Variants in NDUFAF2 observed in about 807,000 individuals in gnomAD.
NDUFAF2 encodes NADH dehydrogenase [ubiquinone] 1 alpha subcomplex assembly factor 2.
A neutral mutation model predicts 22.8 loss-of-function variants in NDUFAF2; 13 were observed. That is an observed-to-expected ratio of 0.57 (90% CI 0.37 to 0.91). The LOEUF (loss-of-function observed/expected upper bound fraction) is 0.91, where lower values mean the gene tolerates loss of function less well. NDUFAF2 is among the 40% of genes least tolerant of loss of function. The pLI is 0.01. For synonymous variants in NDUFAF2, 53 were observed against 64.2 expected (o/e 0.83, Z 0.84); for missense variants, 162 against 195.2 (o/e 0.83, Z 1.01).
intron 1 of NDUFAF2, among the ~76,000 whole-genome samples, chr5:61,048,123 T>C (rs1222849614): frequency 6.6e-6 from 1 of 152,132 alleles, no homozygotes; most frequent in African/African-American, 2.4e-5. Flanking sequence ...ACACCCAGCA[T>C]CTAATACTTT....
chr5:61,111,998 G>A (rs1263238249), intron 3 of NDUFAF2, among the ~76,000 whole-genome samples: 2 of 151,874 alleles, frequency 1.3e-5, no homozygotes, highest in South Asian at 2.1e-4. Flanking sequence ...AGTTCAAGAT[G>A]TGCCCACCTT....
intron 1 of NDUFAF2, among the ~76,000 whole-genome samples, chr5:60,964,681 A>G (rs945266061): frequency 6.6e-6 from 1 of 151,982 alleles, no homozygotes; most frequent in South Asian, 2.1e-4. Flanking sequence ...TGAACTCCTG[A>G]CCTCAAGTGA....
In NDUFAF2 at chr5:61,101,173, C is replaced by CA. The variant is rs1240489401; in HGVS notation, c.258+2148dup. ...TAAAACATATATTTATAAACCGTAA[C>CA]AAAAAAATAGCTTATTTAGTTATTA... is the stretch of plus-strand genomic sequence containing the variant. On this transcript the variant is annotated intron_variant, in intron 3 of 3. Transcript: ENST00000296597. Among the ~76,000 whole-genome samples, 3 of 151,796 alleles carry CA rather than the reference C, an allele frequency of 2.0e-5. No homozygotes were observed. In the East Asian group the frequency reaches 5.8e-4, roughly 29 times the overall value.
intron 1 of NDUFAF2, among the ~76,000 whole-genome samples, chr5:61,067,642 CA>C (rs1417208288): frequency 4.6e-5 from 7 of 152,046 alleles, no homozygotes; most frequent in Non-Finnish European, 1.0e-4. Context: ...GTCTTTATAG[CA>C]GCATTATTTG....
chr5:61,038,418 A>G (rs1751829931), intron 1 of NDUFAF2, among the ~76,000 whole-genome samples: 2 of 152,188 alleles, frequency 1.3e-5, no homozygotes, highest in Admixed American at 1.3e-4. Flanking sequence ...TTTATGGACC[A>G]GACCACTGGG....
intron 1 of NDUFAF2, among the ~76,000 whole-genome samples, chr5:61,040,253 C>CAA (rs1378715332): frequency 1.2e-5 from 1 of 80,422 alleles, no homozygotes; most frequent in East Asian, 2.8e-4. Flanking sequence ...GAGGAAAGGA[C>CAA]ACACACACAC....
At chr5:61,005,719 G>A (rs1392061755) in intron 1 of NDUFAF2, among the ~76,000 whole-genome samples, 1 of 152,052 alleles carries the variant, frequency 6.6e-6, no homozygotes, top group South Asian at 2.1e-4. Context: ...TCATGTGTCT[G>A]TTGGCTGCAT....
At chr5:61,066,942 G>C (rs1461606215) in intron 1 of NDUFAF2, among the ~76,000 whole-genome samples, 4 of 152,028 alleles carry the variant, frequency 2.6e-5, no homozygotes, top group Non-Finnish European at 5.9e-5. Flanking sequence ...AGGGGTGGTT[G>C]GGAGAAGTAG....
At chr5:60,950,912 A>G (rs1177088646) in intron 1 of NDUFAF2, among the ~76,000 whole-genome samples, 2 of 152,030 alleles carry the variant, frequency 1.3e-5, no homozygotes, top group Non-Finnish European at 2.9e-5. Flanking sequence ...CTTTTCCAGA[A>G]TGTCATGTAG....
At chr5:61,004,861 A>G (rs762326703) in intron 1 of NDUFAF2, among the ~76,000 whole-genome samples, 1 of 152,164 alleles carries the variant, frequency 6.6e-6, no homozygotes, top group Non-Finnish European at 1.5e-5. Context: ...CAACTGGAAT[A>G]CTAAATCCTA....
intron 1 of NDUFAF2, among the ~76,000 whole-genome samples, chr5:60,993,384 A>G (rs908021198): frequency 6.6e-6 from 1 of 152,214 alleles, no homozygotes; most frequent in African/African-American, 2.4e-5. Flanking sequence ...TGTGGTGAGC[A>G]TGGGGTTTGT....
intron 1 of NDUFAF2, among the ~76,000 whole-genome samples, chr5:61,054,660 G>A (rs34638): frequency 0.68 from 102,939 of 152,032 alleles, 35,189 homozygotes; most frequent in East Asian, 0.94. Context: ...CATATTGACA[G>A]ACTGACTTGG....
intron 2 of NDUFAF2, among the ~76,000 whole-genome samples, chr5:61,075,863 A>T (rs560385934): frequency 6.6e-6 from 1 of 152,306 alleles, no homozygotes; most frequent in Admixed American, 6.5e-5. Flanking sequence ...CAAGTTGCAT[A>T]TTCTCCCACA....
intron 3 of NDUFAF2, among the ~76,000 whole-genome samples, chr5:61,143,992 G>GTGTGTGTGTT (rs1176013901): frequency 6.0e-5 from 9 of 151,254 alleles, no homozygotes; most frequent in African/African-American, 2.2e-4. Context: ...GTGTGTGTGT[G>GTGTGTGTGTT]TGTGTGTGTG....
intron 2 of NDUFAF2, among the ~76,000 whole-genome samples, chr5:61,085,634 G>A (rs368482768): frequency 2.6e-5 from 4 of 152,046 alleles, no homozygotes; most frequent in East Asian, 1.9e-4. Context: ...CAAAAAGTAC[G>A]TAAAAATTAA....
intron 3 of NDUFAF2, among the ~76,000 whole-genome samples, chr5:61,136,641 T>C (rs1328353665): frequency 6.6e-6 from 1 of 152,134 alleles, no homozygotes; most frequent in Non-Finnish European, 1.5e-5. Flanking sequence ...AAGTAACTTA[T>C]TTGCAAGGCC....
At chr5:61,121,064 T>C (rs1207906657) in intron 3 of NDUFAF2, among the ~76,000 whole-genome samples, 1 of 152,154 alleles carries the variant, frequency 6.6e-6, no homozygotes, top group East Asian at 1.9e-4. Flanking sequence ...ATAACCCCTA[T>C]AGGATACTAA....
rs558387606 is a variant in NDUFAF2, at chr5:61,004,582, G to A, written c.127+59200G>A. Reference sequence around the variant, plus strand: ...GAATAACATGAAAATATGTATATTTGTATATTTTATGGGAGGCTGAGTAAA... The same window carrying A: ...GAATAACATGAAAATATGTATATTTATATATTTTATGGGAGGCTGAGTAAA... On this transcript the variant is annotated intron_variant, in intron 1 of 3. Transcript: ENST00000296597. Among the ~76,000 whole-genome samples the A allele has an allele frequency of 9.9e-5, 15 of 152,156 alleles. No homozygotes were observed. The South Asian group carries it at 3.1e-3, about 32-fold the overall frequency.
At chr5:61,034,554 G>T (rs1195232487) in intron 1 of NDUFAF2, among the ~76,000 whole-genome samples, 1 of 152,146 alleles carries the variant, frequency 6.6e-6, no homozygotes, top group African/African-American at 2.4e-5. Flanking sequence ...TGTGGTTCAT[G>T]ACTGTATTTT....
Sources: gnomAD v4.1 joint callset for allele counts (sites outside exome capture counted in the v4.1 genomes callset) on GRCh38, gnomAD v4.1.1 for gene constraint, MANE v1.5 for transcripts, NCBI Gene and HGNC (gene_info 2026-07-23, HGNC 2026-07-21) for gene names.